The following C7orf33 variants were observed in gnomAD, a reference collection of about 807,000 sequenced individuals.
C7orf33 encodes the protein uncharacterized protein C7orf33.
A neutral mutation model predicts 13.4 loss-of-function variants in C7orf33; 15 were observed. The ratio of observed to expected loss-of-function variants is 1.12; its 90% CI spans 0.75 to 1.72. The LOEUF (loss-of-function observed/expected upper bound fraction) is 1.72. Among genes scored for constraint, C7orf33 ranks in the 40% most tolerant of loss-of-function variants. C7orf33 has a pLI of 0.00. For missense variants in C7orf33, 187 were observed against 220.3 expected, an observed-to-expected ratio of 0.85 and a Z score of 0.96; for synonymous variants, 73 against 83.2, an observed-to-expected ratio of 0.88 and a Z score of 0.67.
At chr7:148,610,854 T>C (rs1796529500) in intron 1 of C7orf33, among the ~76,000 whole-genome samples, 1 of 152,184 alleles carries the variant, frequency 6.6e-6, no homozygotes, top group Non-Finnish European at 1.5e-5. Flanking sequence ...AGTGTCTGAC[T>C]CACCACCTAG....
chr7:148,597,542 A>G (rs1178912665), intron 1 of C7orf33, among the ~76,000 whole-genome samples: 5 of 152,162 alleles, frequency 3.3e-5, no homozygotes, highest in Non-Finnish European at 5.9e-5. Flanking sequence ...TTGGCCTCCC[A>G]AAGTGCTGAG....
chr7:148,605,968 T>C (rs1403343693), intron 1 of C7orf33, among the ~76,000 whole-genome samples: 1 of 152,122 alleles, frequency 6.6e-6, no homozygotes, highest in East Asian at 1.9e-4. Context: ...TCCTGGGTGG[T>C]TTATAGGATA....
chr7:148,594,103 C>G (rs544329779), intron 1 of C7orf33, among the ~76,000 whole-genome samples: 11 of 152,116 alleles, frequency 7.2e-5, no homozygotes, highest in African/African-American at 2.4e-4. Flanking sequence ...TGAGGCCTCC[C>G]CAGAAGCCGA....
At chr7:148,601,535 C>T (rs1043631986) in intron 1 of C7orf33, among the ~76,000 whole-genome samples, 1 of 151,880 alleles carries the variant, frequency 6.6e-6, no homozygotes, top group African/African-American at 2.4e-5. Flanking sequence ...TTCGTAGAAA[C>T]AGGGTCTCAC....
At chr7:148,614,337 A>AGTTTAAGATG (rs1224977338) in intron 2 of C7orf33, 41 bp downstream of exon 2, 1 of 1,583,554 alleles carries the variant, frequency 6.3e-7, no homozygotes, top group Admixed American at 1.7e-5. Flanking sequence ...GTTTAAGGAA[A>AGTTTAAGATG]CCCACGGGAT....
intron 1 of C7orf33, among the ~76,000 whole-genome samples, chr7:148,607,695 T>G (rs1365368055): frequency 1.3e-5 from 2 of 151,852 alleles, no homozygotes; most frequent in Non-Finnish European, 2.9e-5. Context: ...TGACCAACCT[T>G]AAAAAAAAGT....
intron 1 of C7orf33, among the ~76,000 whole-genome samples, chr7:148,597,754 GTT>G (rs1491495378): frequency 6.6e-6 from 1 of 151,758 alleles, no homozygotes; most frequent in East Asian, 1.9e-4. Flanking sequence ...GTTTTGTTTT[GTT>G]TTGTTTTGTT....
At chr7:148,599,675 A>G (rs1393226144) in intron 1 of C7orf33, among the ~76,000 whole-genome samples, 2 of 151,948 alleles carry the variant, frequency 1.3e-5, no homozygotes, top group South Asian at 2.1e-4. Flanking sequence ...GGGTTTCACC[A>G]TGTTGGTCAG....
intron 1 of C7orf33, among the ~76,000 whole-genome samples, chr7:148,613,751 T>C (rs1222349020): frequency 6.6e-6 from 1 of 152,204 alleles, no homozygotes; most frequent in Non-Finnish European, 1.5e-5. Flanking sequence ...CGGTTGCACA[T>C]TTCCTTGAAT....
In C7orf33 at chr7:148,614,186, A is replaced by G. The variant is rs768879414; in HGVS notation, c.349A>G (p.Arg117Gly). The change falls in exon 2 of 3, where the codon AGG becomes GGG. Residue 117 changes from arginine (R) to glycine (G), a missense_variant. Arg to Gly is a moderately radical substitution (Grantham distance 125). Coordinates refer to ENST00000307003, the MANE Select transcript of C7orf33 (RefSeq NM_145304.4). Reference protein sequence around the residue: ...QRAVRIRPGTRMGLSSDPVVG... With the variant: ...QRAVRIRPGTGMGLSSDPVVG... ...AGCAGTCAGAATCAGGCCAGGCACC[A>G]GGATGGGCTTGTCCTCAGATCCAGT... is the stretch of plus-strand genomic sequence containing the variant. 1 of 1,614,242 alleles carries G rather than the reference A, an allele frequency of 6.2e-7. No homozygotes were observed. The highest frequency in any genetic ancestry group is 2.2e-5 in the East Asian group (1 of 44,884).
At chr7:148,614,343 G>C in intron 2 of C7orf33, 47 bp downstream of exon 2, 1 of 1,572,000 alleles carries the variant, frequency 6.4e-7, no homozygotes, top group South Asian at 1.2e-5. Context: ...GGAAACCCAC[G>C]GGATGCTCTG....
In C7orf33 at chr7:148,591,125, A is replaced by T. The variant is rs1471351607; in HGVS notation, c.200A>T (p.His67Leu). 1 of 1,612,872 alleles carries T rather than the reference A, an allele frequency of 6.2e-7. No homozygotes were observed. The highest frequency in any genetic ancestry group is 8.5e-7 in the Non-Finnish European group (1 of 1,179,262). Residue 67 changes from histidine to leucine, a missense_variant, in exon 1 of 3, where the codon CAT (histidine) becomes CTT (leucine). His to Leu is a moderately conservative substitution (Grantham distance 99, BLOSUM62 -3). Transcript: ENST00000307003. ...QFNLSYATGRHKKPNPHQNMN... is the reference protein window; with the variant it reads ...QFNLSYATGRLKKPNPHQNMN... The stretch of plus-strand genomic sequence containing the variant: ...AACTTGTCATATGCCACGGGAAGAC[A>T]TAAGGTAAGTTAATGATTCTAAGAT...
At position 148,600,825 on chromosome 7, in the gene C7orf33, C is replaced by T. The variant is rs539541104; in HGVS notation, c.204+9696C>T. On this transcript the variant is annotated intron_variant, in intron 1 of 2. Transcript: ENST00000307003. ...TTTTTTTTTTTTTTTTTTTTTGAGA[C>T]GGAGTCTCGCTCTGTCACCCAGGCT... is the stretch of plus-strand genomic sequence containing the variant. Among the ~76,000 whole-genome samples the T allele has an allele frequency of 5.1e-3, 544 of 105,974 alleles. 1 individual carries two copies. The highest frequency in any genetic ancestry group is 0.011 in the Admixed American group (97 of 8,850). The allele number at this position is 105,974 out of a possible 152,430, so 69.5% of individuals were successfully genotyped here.
chr7:148,602,773 T>G (rs1389450752), intron 1 of C7orf33, among the ~76,000 whole-genome samples: 1 of 152,090 alleles, frequency 6.6e-6, no homozygotes, highest in Non-Finnish European at 1.5e-5. Context: ...GCCTAAAAAT[T>G]CCAAAAATAA....
intron 1 of C7orf33, among the ~76,000 whole-genome samples, chr7:148,611,176 AG>A (rs1196578975): frequency 1.3e-5 from 2 of 152,192 alleles, no homozygotes; most frequent in East Asian, 3.8e-4. Flanking sequence ...GGAGTTGGGC[AG>A]GGAAGTGCTG....
At position 148,609,894 on chromosome 7, in the gene C7orf33, G is replaced by A. The variant is rs566463402; in HGVS notation, c.205-4148G>A. On this transcript the variant is annotated intron_variant, in intron 1 of 2. Coordinates refer to ENST00000307003, the MANE Select transcript of C7orf33 (RefSeq NM_145304.4). ...TCCCCCACCTGGAGGGGGAGTCTTC[G>A]CTGAGTAGGAGCTTGAAATGGCTAA... 2.8e-4 allele frequency among the ~76,000 whole-genome samples: 42 copies of A among 152,248 alleles called. No homozygotes were observed. The South Asian group carries it at 5.4e-3, about 20-fold the overall frequency.
intron 1 of C7orf33, among the ~76,000 whole-genome samples, chr7:148,591,668 C>T (rs1796273146): frequency 6.6e-6 from 1 of 152,130 alleles, no homozygotes; most frequent in African/African-American, 2.4e-5. Context: ...GCAGCATCAA[C>T]CTCCTGGCTT....
intron 1 of C7orf33, among the ~76,000 whole-genome samples, chr7:148,609,362 A>G (rs1796510909): frequency 6.6e-6 from 1 of 152,224 alleles, no homozygotes; most frequent in African/African-American, 2.4e-5. Context: ...GAGGAAAACA[A>G]TGGCAGGGCA....
At chr7:148,603,874 C>T (rs1796444085) in intron 1 of C7orf33, among the ~76,000 whole-genome samples, 1 of 152,018 alleles carries the variant, frequency 6.6e-6, no homozygotes, top group Non-Finnish European at 1.5e-5. Context: ...TATAGAACTA[C>T]CATTTGATGG....
Sources: allele counts gnomAD v4.1 joint callset (sites outside exome capture counted in the v4.1 genomes callset), GRCh38; gene constraint gnomAD v4.1.1; transcripts MANE v1.5; gene names NCBI Gene and HGNC (gene_info 2026-07-23, HGNC 2026-07-21).